The following TAFA4 variants were observed in gnomAD, a reference collection of about 807,000 sequenced individuals.
The protein encoded by TAFA4 is TAFA chemokine like family member 4.
TAFA4 carries 20 observed loss-of-function variants against 21.1 expected under a neutral mutation model. That is an observed-to-expected ratio of 0.95 (90% CI 0.67 to 1.38). The LOEUF (loss-of-function observed/expected upper bound fraction) is 1.38, where lower values mean the gene tolerates loss of function less well. Ranked by LOEUF, TAFA4 falls within the 40% of genes most tolerant of loss-of-function variation. TAFA4 has a pLI of 0.00. For synonymous variants in TAFA4, 71 were observed against 67.4 expected (o/e 1.05, Z -0.26); for missense variants, 211 against 180.9 (o/e 1.17, Z -0.95).
At chr3:68,893,913 T>C (rs2089758486) in intron 1 of TAFA4, among the ~76,000 whole-genome samples, 1 of 152,220 alleles carries the variant, frequency 6.6e-6, no homozygotes, top group Admixed American at 6.5e-5. Flanking sequence ...TTTATTATAA[T>C]AATTACACCT....
intron 3 of TAFA4, among the ~76,000 whole-genome samples, chr3:68,812,964 T>C (rs1238626952): frequency 3.9e-5 from 6 of 152,226 alleles, no homozygotes; most frequent in Non-Finnish European, 5.9e-5. Context: ...ACAGAAATTA[T>C]AACAAACTGT....
intron 3 of TAFA4, among the ~76,000 whole-genome samples, chr3:68,852,715 C>A (rs375970615): frequency 1.8e-4 from 28 of 152,144 alleles, no homozygotes; most frequent in African/African-American, 6.5e-4. Flanking sequence ...AATTTACTAG[C>A]CTTAAATCCT....
chr3:68,733,180 T>C (rs767443371), intron 5 of TAFA4, 27 bp from the exon 6 acceptor site: 4 of 1,612,574 alleles, frequency 2.5e-6, no homozygotes, highest in Admixed American at 1.7e-5. Flanking sequence ...TAAGGGAACA[T>C]TCAACACTCT....
chr3:68,760,422 A>C (rs1702738986), intron 3 of TAFA4, among the ~76,000 whole-genome samples: 1 of 152,204 alleles, frequency 6.6e-6, no homozygotes, highest in Non-Finnish European at 1.5e-5. Flanking sequence ...AAGCTAATAG[A>C]GACACAGAAA....
At chr3:68,741,555 G>C (rs528745555) in intron 4 of TAFA4, among the ~76,000 whole-genome samples, 1 of 152,126 alleles carries the variant, frequency 6.6e-6, no homozygotes, top group South Asian at 2.1e-4. Context: ...AGCACTTTGG[G>C]AGGTCCAGGC....
chr3:68,863,125 C>G (rs1424377860), intron 3 of TAFA4, among the ~76,000 whole-genome samples: 5 of 151,300 alleles, frequency 3.3e-5, no homozygotes, highest in Non-Finnish European at 5.9e-5. Context: ...ATAGTCCCAG[C>G]TAGCTACACA....
intron 1 of TAFA4, among the ~76,000 whole-genome samples, chr3:68,893,990 A>C (rs1357084197): frequency 3.9e-5 from 6 of 152,200 alleles, no homozygotes; most frequent in Admixed American, 1.3e-4. Flanking sequence ...CAAAAGATAT[A>C]ATTTAAATAA....
chr3:68,777,645 A>C (rs1461123350), intron 3 of TAFA4, among the ~76,000 whole-genome samples: 1 of 152,288 alleles, frequency 6.6e-6, no homozygotes, highest in Non-Finnish European at 1.5e-5. Flanking sequence ...ACTCAATTCA[A>C]AAAAAGGCAG....
chr3:68,747,907 C>G (rs765974671), intron 4 of TAFA4, among the ~76,000 whole-genome samples: 30 of 152,194 alleles, frequency 2.0e-4, no homozygotes, highest in Non-Finnish European at 3.7e-4. Context: ...CCTTTCCAAG[C>G]CAGACCAAGC....
At chr3:68,867,917 G>T (rs564322742) in intron 3 of TAFA4, among the ~76,000 whole-genome samples, 8 of 152,112 alleles carry the variant, frequency 5.3e-5, no homozygotes, top group African/African-American at 1.9e-4. Flanking sequence ...AGAGGAAGAA[G>T]ACAGTAACAA....
chr3:68,876,194 T>G (rs1391176286), intron 3 of TAFA4, among the ~76,000 whole-genome samples: 2 of 152,232 alleles, frequency 1.3e-5, no homozygotes, highest in Non-Finnish European at 2.9e-5. Context: ...TTGGGTTAAA[T>G]AAAATGTGTT....
chr3:68,789,746 A>T (rs1002503562), intron 3 of TAFA4, among the ~76,000 whole-genome samples: 1 of 152,236 alleles, frequency 6.6e-6, no homozygotes, highest in Non-Finnish European at 1.5e-5. Flanking sequence ...AGTGCCTGAC[A>T]CGCAGTAGCC....
chr3:68,812,143 C>T (rs1559529299), intron 3 of TAFA4, among the ~76,000 whole-genome samples: 1 of 152,142 alleles, frequency 6.6e-6, no homozygotes, highest in Non-Finnish European at 1.5e-5. Flanking sequence ...CTGTCACCAC[C>T]AGGCCTGTGC....
intron 1 of TAFA4, among the ~76,000 whole-genome samples, chr3:68,915,652 A>T (rs1437567571): frequency 1.3e-5 from 2 of 152,312 alleles, no homozygotes; most frequent in Admixed American, 1.3e-4. Flanking sequence ...TGGGTATTTG[A>T]CAATAGCCTC....
At chr3:68,851,828 G>A (rs1704957617) in intron 3 of TAFA4, among the ~76,000 whole-genome samples, 1 of 152,172 alleles carries the variant, frequency 6.6e-6, no homozygotes, top group South Asian at 2.1e-4. Flanking sequence ...TGTATCCTGG[G>A]ATGGTGGCAC....
chr3:68,760,239 T>C (rs1352104693), intron 3 of TAFA4, among the ~76,000 whole-genome samples: 1 of 152,202 alleles, frequency 6.6e-6, no homozygotes, highest in African/African-American at 2.4e-5. Flanking sequence ...ATCTGAAGAA[T>C]AAATAGCTTA....
At chr3:68,910,985 G>T (rs145553818) in intron 1 of TAFA4, among the ~76,000 whole-genome samples, 97 of 152,294 alleles carry the variant, frequency 6.4e-4, no homozygotes, top group African/African-American at 2.3e-3. Flanking sequence ...GATAGATTTT[G>T]CCTGAAATAT....
At chr3:68,796,868 A>T (rs1413259113) in intron 3 of TAFA4, among the ~76,000 whole-genome samples, 1 of 152,234 alleles carries the variant, frequency 6.6e-6, no homozygotes, top group Non-Finnish European at 1.5e-5. Context: ...GTGGCCAACA[A>T]GCATATGAAA....
At chr3:68,792,808 G>T (rs2106815449) in intron 3 of TAFA4, among the ~76,000 whole-genome samples, 1 of 152,264 alleles carries the variant, frequency 6.6e-6, no homozygotes, top group South Asian at 2.1e-4. Flanking sequence ...AATACATTCT[G>T]AAGATAGAAA....
Sources: allele counts gnomAD v4.1 joint callset (sites outside exome capture counted in the v4.1 genomes callset), GRCh38; gene constraint gnomAD v4.1.1; transcripts MANE v1.5; gene names NCBI Gene and HGNC (gene_info 2026-07-23, HGNC 2026-07-21).